FAT1: variants seen among roughly 807,000 people sequenced by gnomAD.
FAT1 encodes protocadherin Fat 1.
A neutral mutation model predicts 329.8 loss-of-function variants in FAT1; 171 were observed. The observed-to-expected ratio is 0.52, with a 90% CI of 0.46 to 0.59. The LOEUF is 0.59. FAT1 is among the 20% of genes least tolerant of loss of function. The pLI is 0.00. For synonymous variants in FAT1, 2,233 were observed against 2,228.6 expected, an observed-to-expected ratio of 1.00 and a Z score of -0.06; for missense variants, 5,672 against 5,774.4, an observed-to-expected ratio of 0.98 and a Z score of 0.57.
At chr4:186,711,538 A>T (rs1220658909) in intron 1 of FAT1, among the ~76,000 whole-genome samples, 1 of 152,160 alleles carries the variant, frequency 6.6e-6, no homozygotes, top group African/African-American at 2.4e-5. Flanking sequence ...GGTATGGAGG[A>T]CCTTATCAGA....
chr4:186,669,993 C>T (rs1343035489), intron 2 of FAT1, among the ~76,000 whole-genome samples: 1 of 152,232 alleles, frequency 6.6e-6, no homozygotes, highest in Admixed American at 6.5e-5. Context: ...TGGAACAGGA[C>T]TCTTGCAACA....
rs1309267482 is a variant in FAT1 at position 186,663,416 on chromosome 4, C to T, written c.3463G>A (p.Asp1155Asn). ...YPEIMENSPKDVSVVQIEAFD... is the reference protein window; with the variant it reads ...YPEIMENSPKNVSVVQIEAFD... ...GCCTCGATCTGGACCACAGATACAT[C>T]TTTAGGAGAATTTTCCATGATTTCT... The change falls in exon 3 of 27, where the codon GAT becomes AAT. Residue 1155 changes from aspartate (D) to asparagine (N), a missense_variant. Physicochemically the swap from Asp to Asn is conservative, Grantham distance 23. Coordinates refer to ENST00000441802, the MANE Select transcript of FAT1 (RefSeq NM_005245.4). The T allele has an allele frequency of 1.2e-6, 2 of 1,613,882 alleles. No homozygotes were observed. The highest frequency in any genetic ancestry group is 1.7e-6 in the Non-Finnish European group (2 of 1,179,904).
Position 186,597,700 on chromosome 4 carries a change from G to A in FAT1, c.12350C>T (p.Ser4117Leu), listed in dbSNP as rs1263240063. ...CATTTACCTTTCTCCCCTAAAACCC[G>A]AATCACACTGACAAACGGCGCCATC... ...SLDGAVCQCD[S>L]GFRGERCQSD... The change falls in exon 24 of 27, where the codon TCG becomes TTG. Residue 4117 changes from serine to leucine, a missense_variant. Transcript: ENST00000441802. 9.9e-6 allele frequency: 16 copies of A among 1,613,578 alleles called. No individual in the cohort carries two copies. Among genetic ancestry groups the A allele is most frequent in the Admixed American group, 5.0e-5 (3 of 60,000 alleles).
chr4:186,592,276 T>C (rs915478366), intron 26 of FAT1, among the ~76,000 whole-genome samples: 2 of 152,240 alleles, frequency 1.3e-5, no homozygotes, highest in Admixed American at 1.3e-4. Context: ...CTACACCCTT[T>C]TCTTTGATCA....
At position 186,617,015 on chromosome 4, in the gene FAT1, A is replaced by T. The variant is rs1370497010; in HGVS notation, c.9065T>A (p.Val3022Asp). 9.3e-6 allele frequency: 15 copies of T among 1,611,966 alleles called. No homozygotes were observed. The highest frequency in any genetic ancestry group is 1.7e-4 in the Middle Eastern group (1 of 6,056). The change falls in exon 11 of 27, where the codon GTT (valine) becomes GAT (aspartate). Residue 3022 changes from valine (V) to aspartate (D), a missense_variant. Physicochemically the swap from Val to Asp is radical, Grantham distance 152. Around this residue, in one of 2 missense-constraint regions of FAT1, gnomAD observed 3,966 missense variants for 3,915.2 expected, o/e 1.01. Coordinates refer to ENST00000441802, the MANE Select transcript of FAT1 (RefSeq NM_005245.4). ...KVLDANDNSP[V>D]CEKTLYSDTI... ...GGAAGAGCTGCTTACCTTTTCACAA[A>T]CTGGACTGTTGTCATTTGCATCCAG...
At chr4:186,644,281 A>C (rs1741251030) in intron 3 of FAT1, among the ~76,000 whole-genome samples, 1 of 152,214 alleles carries the variant, frequency 6.6e-6, no homozygotes, top group Non-Finnish European at 1.5e-5. Flanking sequence ...ATAGATCCAA[A>C]AAAGCAAGTT....
intron 3 of FAT1, among the ~76,000 whole-genome samples, chr4:186,646,205 A>G (rs1560963438): frequency 6.6e-6 from 1 of 152,202 alleles, no homozygotes; most frequent in East Asian, 1.9e-4. Flanking sequence ...TACTTGGAAC[A>G]CTTTTCAATT....
At chr4:186,723,349 G>A (rs1234347652) in intron 1 of FAT1, among the ~76,000 whole-genome samples, 1 of 152,204 alleles carries the variant, frequency 6.6e-6, no homozygotes, top group Non-Finnish European at 1.5e-5. Flanking sequence ...AGGAGACCGC[G>A]AGGCCGGCGC....
chr4:186,665,514 T>C (rs1243457926), intron 2 of FAT1, among the ~76,000 whole-genome samples: 2 of 152,246 alleles, frequency 1.3e-5, no homozygotes, highest in African/African-American at 4.8e-5. Flanking sequence ...TGTCTGTTCA[T>C]ATCCTTCAGC....
At chr4:186,683,967 T>G (rs1284623998) in intron 2 of FAT1, among the ~76,000 whole-genome samples, 1 of 152,032 alleles carries the variant, frequency 6.6e-6, no homozygotes, top group Admixed American at 6.5e-5. Flanking sequence ...TTTCAATAGC[T>G]ACAAAACAGT....
chr4:186,627,739 G>T (rs1740383775), intron 9 of FAT1, among the ~76,000 whole-genome samples: 1 of 152,196 alleles, frequency 6.6e-6, no homozygotes, highest in Non-Finnish European at 1.5e-5. Context: ...GGAGCTTCCT[G>T]CTCTGCTCAA....
At chr4:186,622,986 C>T (rs1740120765) in intron 9 of FAT1, among the ~76,000 whole-genome samples, 1 of 152,248 alleles carries the variant, frequency 6.6e-6, no homozygotes, top group African/African-American at 2.4e-5. Flanking sequence ...CAGGGATTCA[C>T]CAAGCACTTT....
chr4:186,675,264 G>A (rs1319917512), intron 2 of FAT1, among the ~76,000 whole-genome samples: 11 of 151,164 alleles, frequency 7.3e-5, no homozygotes, highest in African/African-American at 2.2e-4. Context: ...CAACAGAAAC[G>A]TTTTAAGGAA....
intron 3 of FAT1, among the ~76,000 whole-genome samples, chr4:186,641,534 T>A (rs1038722882): frequency 6.6e-5 from 10 of 152,152 alleles, no homozygotes; most frequent in African/African-American, 2.2e-4. Flanking sequence ...GATGGTAACA[T>A]CACGTGGAAT....
upstream of FAT1, among the ~76,000 whole-genome samples, chr4:186,725,263 T>C (rs1422064082): frequency 6.6e-6 from 1 of 152,064 alleles, no homozygotes; most frequent in East Asian, 1.9e-4. This position sits in a 1 kb window ranked among gnomAD's most constrained non-coding sequence, Gnocchi z 5.4. Context: ...GCTTGCCGAA[T>C]TGTAAATCTC....
At chr4:186,611,335 T>C in intron 14 of FAT1, 51 bp downstream of exon 14, 1 of 1,522,520 alleles carries the variant, frequency 6.6e-7, no homozygotes, top group Non-Finnish European at 8.9e-7. Flanking sequence ...TAAGCAAATC[T>C]AGTTTTCTTG....
At chr4:186,682,526 CAA>C (rs10561120) in intron 2 of FAT1, among the ~76,000 whole-genome samples, 12 of 119,732 alleles carry the variant, frequency 1.0e-4, no homozygotes, top group South Asian at 2.8e-4. Context: ...GACTCTGTCT[CAA>C]AAAAAAAAAA....
intron 2 of FAT1, among the ~76,000 whole-genome samples, chr4:186,692,944 T>A (rs1337151531): frequency 6.6e-6 from 1 of 152,126 alleles, no homozygotes; most frequent in African/African-American, 2.4e-5. Context: ...TAACTGGAAT[T>A]CTCCAATTCC....
chr4:186,702,740 A>C (rs1744388296), intron 2 of FAT1, among the ~76,000 whole-genome samples: 1 of 152,206 alleles, frequency 6.6e-6, no homozygotes, highest in Non-Finnish European at 1.5e-5. Flanking sequence ...CACCCACAAG[A>C]GGGATGCTCC....
Sources: allele counts gnomAD v4.1 joint callset (sites outside exome capture counted in the v4.1 genomes callset), GRCh38; gene constraint gnomAD v4.1.1; regional missense constraint gnomAD v4.1.1; non-coding constraint Gnocchi (gnomAD v3.1); transcripts MANE v1.5; gene names NCBI Gene and HGNC (gene_info 2026-07-23, HGNC 2026-07-21).